Variants in SGCD observed in about 807,000 individuals in gnomAD.
SGCD encodes sarcoglycan delta.
In SGCD, 18 loss-of-function variants were observed where a neutral mutation model predicts 36.6. The ratio of observed to expected loss-of-function variants is 0.49; its 90% CI spans 0.34 to 0.73. SGCD has a LOEUF of 0.73. Among genes scored for constraint, SGCD ranks in the 30% least tolerant of loss-of-function variants. The pLI, the probability that SGCD is intolerant of heterozygous loss-of-function variation, is 0.01. For synonymous variants in SGCD, 133 were observed against 130.6 expected, an observed-to-expected ratio of 1.02 and a Z score of -0.12; for missense variants, 387 against 346.7, an observed-to-expected ratio of 1.12 and a Z score of -0.92.
chr5:156,043,547 T>C lies in SGCD; in HGVS notation c.-281-74331T>C, dbSNP rs190312279. Reference sequence around the variant, plus strand: ...CAGCTTTTAGCTGGCTGATTCTTGCTTCTTAAGACACTTTCTCAGCAGAGA... The same window carrying C: ...CAGCTTTTAGCTGGCTGATTCTTGCCTCTTAAGACACTTTCTCAGCAGAGA... On this transcript the variant is annotated intron_variant, in intron 1 of 9. Coordinates refer to the SGCD transcript ENST00000517913. Among the ~76,000 whole-genome samples, 90 of 152,314 alleles carry C rather than the reference T, an allele frequency of 5.9e-4. 1 individual carries two copies. The highest frequency in any genetic ancestry group is 2.1e-3 in the African/African-American group (87 of 41,574).
the SGCD span, among the ~76,000 whole-genome samples, chr5:155,814,707 A>G: frequency 6.6e-6 from 1 of 152,146 alleles, no homozygotes; most frequent in East Asian, 1.9e-4. Flanking sequence ...AATACTTTAA[A>G]CCCAGTATCT....
chr5:156,393,735 G>A (rs1561667015), intron 3 of SGCD: 2 of 456,206 alleles, frequency 4.4e-6, no homozygotes, highest in Non-Finnish European at 4.4e-6. Context: ...CTGTCTTACT[G>A]CAATGTTTGA....
intron 1 of SGCD, among the ~76,000 whole-genome samples, chr5:155,949,059 C>G (rs1757501234): frequency 6.6e-6 from 1 of 152,144 alleles, no homozygotes; most frequent in African/African-American, 2.4e-5. Context: ...TTTTCTCCAT[C>G]AAAGAAACAA....
chr5:156,677,213 C>T (rs2113673185), intron 7 of SGCD, among the ~76,000 whole-genome samples: 1 of 152,292 alleles, frequency 6.6e-6, no homozygotes, highest in East Asian at 1.9e-4. Context: ...GACACATGCA[C>T]ACGTATGTTT....
chr5:156,246,068 A>T (rs1459097921), intron 3 of SGCD, among the ~76,000 whole-genome samples: 1 of 152,198 alleles, frequency 6.6e-6, no homozygotes, highest in Non-Finnish European at 1.5e-5. Flanking sequence ...CTGCCTTTTC[A>T]ACATGACAAA....
chr5:156,743,749 T>C (rs1334993140), intron 7 of SGCD, among the ~76,000 whole-genome samples: 1 of 152,146 alleles, frequency 6.6e-6, no homozygotes, highest in Non-Finnish European at 1.5e-5. Flanking sequence ...AGTAGAAGCC[T>C]AGAATATTAT....
chr5:156,681,831 A>G (rs1753734198), intron 7 of SGCD, among the ~76,000 whole-genome samples: 1 of 152,226 alleles, frequency 6.6e-6, no homozygotes, highest in South Asian at 2.1e-4. Flanking sequence ...TTCTTGATTT[A>G]TTCTCAATTT....
At position 156,487,668 on chromosome 5, in the gene SGCD, A is replaced by T. The variant is rs182432954; in HGVS notation, c.193-20933A>T. The stretch of plus-strand genomic sequence containing the variant: ...CCAGGCGTGGTGGTGTGTGCCTATA[A>T]TCCCAGCTATTCAGGAGGCTGAGGC... On this transcript the variant is annotated intron_variant, in intron 3 of 8. Coordinates refer to ENST00000337851, the MANE Select transcript of SGCD (RefSeq NM_000337.6). 4.5e-3 allele frequency among the ~76,000 whole-genome samples: 685 copies of T among 151,462 alleles called. 4 individuals carry two copies. The highest frequency in any genetic ancestry group is 0.016 in the African/African-American group (646 of 41,326).
At chr5:156,135,682 T>G (rs538096519) in intron 3 of SGCD, among the ~76,000 whole-genome samples, 8 of 152,304 alleles carry the variant, frequency 5.3e-5, no homozygotes, top group African/African-American at 1.9e-4. Context: ...CTTAATCTAT[T>G]AGGCTTCAGA....
intron 1 of SGCD, among the ~76,000 whole-genome samples, chr5:156,070,337 T>C (rs923786566): frequency 2.0e-5 from 3 of 152,090 alleles, no homozygotes; most frequent in African/African-American, 7.3e-5. Flanking sequence ...GTTTTTAGCA[T>C]GAAGCGTTGT....
At chr5:156,343,850 G>A (rs1768798200) in intron 2 of SGCD, among the ~76,000 whole-genome samples, 1 of 152,048 alleles carries the variant, frequency 6.6e-6, no homozygotes, top group African/African-American at 2.4e-5. Context: ...GGTTAGAATT[G>A]CCTAACTCAC....
chr5:156,476,047 C>T (rs994466270), intron 3 of SGCD, among the ~76,000 whole-genome samples: 5 of 152,290 alleles, frequency 3.3e-5, no homozygotes, highest in Middle Eastern at 3.4e-3. Context: ...CAGCTGTGAC[C>T]TCTTCCTCAT....
At chr5:156,125,090 A>G (rs1236911423) in intron 3 of SGCD, among the ~76,000 whole-genome samples, 4 of 152,164 alleles carry the variant, frequency 2.6e-5, no homozygotes, top group Admixed American at 2.6e-4. Context: ...ATAGCTTACA[A>G]CCACATGGCA....
chr5:156,597,131 T>C (rs1187087388), intron 6 of SGCD, among the ~76,000 whole-genome samples: 1 of 152,220 alleles, frequency 6.6e-6, no homozygotes, highest in Non-Finnish European at 1.5e-5. Flanking sequence ...GCCTTGCTTT[T>C]TTATATCTGT....
At chr5:156,649,188 G>C (rs572319537) in intron 7 of SGCD, among the ~76,000 whole-genome samples, 3 of 152,058 alleles carry the variant, frequency 2.0e-5, no homozygotes, top group Non-Finnish European at 4.4e-5. Flanking sequence ...TTAGAGTGGC[G>C]ATCATTAAAA....
At chr5:156,423,401 T>A (rs12163970) in intron 3 of SGCD, among the ~76,000 whole-genome samples, 62,328 of 97,908 alleles carry the variant, frequency 0.64, 20,945 homozygotes, top group African/African-American at 0.81. Flanking sequence ...TTATATTTTA[T>A]TATAATATAA....
chr5:156,568,032 A>C (rs1759567336), intron 4 of SGCD, among the ~76,000 whole-genome samples: 1 of 152,140 alleles, frequency 6.6e-6, no homozygotes, highest in Non-Finnish European at 1.5e-5. Flanking sequence ...CCAGAACCTG[A>C]ATGATAGAAG....
chr5:156,646,363 A>G (rs1433503828), intron 6 of SGCD, among the ~76,000 whole-genome samples: 1 of 152,176 alleles, frequency 6.6e-6, no homozygotes, highest in African/African-American at 2.4e-5. Context: ...GCAATAATTT[A>G]ATACTCCCAT....
At chr5:156,589,966 A>G (rs1465196915) in intron 5 of SGCD, among the ~76,000 whole-genome samples, 1 of 152,232 alleles carries the variant, frequency 6.6e-6, no homozygotes, top group Non-Finnish European at 1.5e-5. Flanking sequence ...AATGATAAAC[A>G]TGGACCTCGT....
Sources: allele counts gnomAD v4.1 joint callset (sites outside exome capture counted in the v4.1 genomes callset), GRCh38; gene constraint gnomAD v4.1.1; transcripts MANE v1.5; gene names NCBI Gene and HGNC (gene_info 2026-07-23, HGNC 2026-07-21).